SDHA: variants seen among roughly 807,000 people sequenced by gnomAD.
The protein encoded by SDHA is succinate dehydrogenase [ubiquinone] flavoprotein subunit, mitochondrial.
Under a neutral mutation model 78.4 loss-of-function variants are expected in SDHA, and 48 were observed. The ratio of observed to expected loss-of-function variants is 0.61; its 90% CI spans 0.49 to 0.78. SDHA has a LOEUF of 0.78. SDHA is among the 30% of genes least tolerant of loss of function. The pLI is 0.00. For missense variants in SDHA, 680 were observed against 892.7 expected (o/e 0.76, Z 3.04); for synonymous variants, 326 against 353.9 (o/e 0.92, Z 0.88).
chr5:222,602 A>G (rs1238803646), intron 1 of SDHA, among the ~76,000 whole-genome samples: 2 of 152,068 alleles, frequency 1.3e-5, no homozygotes, highest in African/African-American at 4.8e-5. Flanking sequence ...GGCCTCCCCA[A>G]ATGCTGGGAT....
rs564781001 is a variant in SDHA, at chr5:235,478, C to G, written c.1260+139C>G. The G allele has an allele frequency of 1.8e-3, 1,556 of 857,526 alleles. 3 individuals carry two copies. The highest frequency in any genetic ancestry group is 2.4e-3 in the Non-Finnish European group (1,245 of 516,244). 53.1% of individuals were successfully genotyped at this position (857,526 alleles called of 1,614,324 possible). ...GTACTGTATTGTTTTCTAGATTGCA[C>G]TTTAAATTTCTATTACCGGAGGATG... On this transcript the variant is annotated intron_variant, in intron 9 of 14. Transcript: ENST00000264932.
chr5:259,915 C>G (rs1737422930), downstream of SDHA, among the ~76,000 whole-genome samples: 3 of 36,084 alleles, frequency 8.3e-5, no homozygotes, highest in African/African-American at 2.1e-4. Flanking sequence ...AGCTCCGCCT[C>G]CCGTCAGAGC....
chr5:222,559 T>C (rs1460867480), intron 1 of SDHA, among the ~76,000 whole-genome samples: 1 of 152,050 alleles, frequency 6.6e-6, no homozygotes, highest in African/African-American at 2.4e-5. Flanking sequence ...AGACTGGTCT[T>C]GAACTCCTGA....
In SDHA at chr5:223,551, G is replaced by A. The variant is rs140736646; in HGVS notation, c.133G>A (p.Ala45Thr). ...TGTTGATGGGAACAAGAGGGCATCT[G>A]CTAAAGTTTCAGATTCCGTAAGTTC... ...FTVDGNKRASAKVSDSISAQY... is the reference protein window; with the variant it reads ...FTVDGNKRASTKVSDSISAQY... The change falls in exon 2 of 15, where the codon GCT becomes ACT. Residue 45 changes from alanine (A) to threonine (T), a missense_variant. Transcript: ENST00000264932. 600 of 1,613,408 alleles carry A rather than the reference G, an allele frequency of 3.7e-4. 1 individual carries two copies. The highest frequency in any genetic ancestry group is 1.4e-3 in the Admixed American group (83 of 60,014).
At chr5:251,540 C>T (rs779138826) in intron 13 of SDHA, 72 bp downstream of exon 13, 2 of 1,609,788 alleles carry the variant, frequency 1.2e-6, no homozygotes, top group South Asian at 2.2e-5. Flanking sequence ...CCCACCCCTG[C>T]ATTTTCTCTG....
chr5:232,988 G>C (rs1255126943), intron 7 of SDHA, among the ~76,000 whole-genome samples: 1 of 152,164 alleles, frequency 6.6e-6, no homozygotes, highest in East Asian at 1.9e-4. Flanking sequence ...AGACTTAAAC[G>C]AGTTAATATG....
intron 8 of SDHA, 46 bp downstream of exon 8, chr5:233,691 C>T (rs373781887): frequency 1.4e-5 from 22 of 1,603,722 alleles, no homozygotes; most frequent in Middle Eastern, 1.7e-4. Context: ...GCACACGGGC[C>T]GGGGTTGCTT....
chr5:218,804 C>T (rs1734538089), intron 1 of SDHA, among the ~76,000 whole-genome samples: 1 of 152,182 alleles, frequency 6.6e-6, no homozygotes, highest in Non-Finnish European at 1.5e-5. Context: ...GGGCGGATAG[C>T]GGCCGGTGGC....
At position 237,895 on chromosome 5, in the gene SDHA, T is replaced by C. The variant is rs1196921883; in HGVS notation, c.1432+1296T>C. On this transcript the variant is annotated intron_variant, in intron 10 of 14. Coordinates refer to ENST00000264932, the MANE Select transcript of SDHA (RefSeq NM_004168.4). ...AGAGCTGGCGTCTCATCCCCAGCCA[T>C]TGGTGATCATCGGCGAAGGCGGAGT... Among the ~76,000 whole-genome samples, 5 of 135,964 alleles carry C rather than the reference T, an allele frequency of 3.7e-5. 2 individuals carry two copies. Among genetic ancestry groups the C allele is most frequent in the African/African-American group, 1.8e-4 (5 of 28,570 alleles). 89.2% of individuals were successfully genotyped at this position (135,964 alleles called of 152,430 possible).
intron 5 of SDHA, chr5:227,507 T>C (rs1276003799): frequency 6.4e-6 from 1 of 157,428 alleles, no homozygotes; most frequent in African/African-American, 2.4e-5. Flanking sequence ...AGAACACCAG[T>C]GACTTCTCTG....
chr5:219,396 C>T (rs998036631), intron 1 of SDHA, among the ~76,000 whole-genome samples: 7 of 152,220 alleles, frequency 4.6e-5, no homozygotes, highest in African/African-American at 1.7e-4. Flanking sequence ...AACTTACCCA[C>T]CCACCTCCTT....
chr5:256,294 C>T lies in SDHA; in HGVS notation c.1909-40C>T, dbSNP rs186622870. The T allele has an allele frequency of 1.4e-4, 210 of 1,470,600 alleles. No homozygotes were observed. The African/African-American group carries it at 2.6e-3, about 18-fold the overall frequency. The allele number at this position is 1,470,600 out of a possible 1,614,324, so 91.1% of individuals were successfully genotyped here. ...GGAACACAAGAGATGGCTTTTTGTA[C>T]ATTTTTGTGCTTAACTTACCACTGA... is the stretch of plus-strand genomic sequence containing the variant. On this transcript the variant is annotated intron_variant, in intron 14 of 14. Coordinates refer to ENST00000264932, the MANE Select transcript of SDHA (RefSeq NM_004168.4).
In SDHA at chr5:254,522, G is replaced by T. The variant is rs1190038643; in HGVS notation, c.1908+16G>T. ...CACTGGGAAGGTCAGTGTGGAGCTC[G>T]TTCTCACCACAGCCCAGCACCCACA... On this transcript the variant is annotated intron_variant, in intron 14 of 14. Coordinates refer to ENST00000264932, the MANE Select transcript of SDHA (RefSeq NM_004168.4). The T allele has an allele frequency of 6.5e-7, 1 of 1,540,050 alleles. No homozygotes were observed. The highest frequency in any genetic ancestry group is 8.8e-7 in the Non-Finnish European group (1 of 1,140,790).
At chr5:246,820 A>G (rs1280630748) in intron 11 of SDHA, among the ~76,000 whole-genome samples, 1 of 152,258 alleles carries the variant, frequency 6.6e-6, no homozygotes, top group Non-Finnish European at 1.5e-5. Context: ...TCAAATTGCT[A>G]CTATGATAGG....
At chr5:262,608 C>T in the SDHA span, among the ~76,000 whole-genome samples, 2 of 152,290 alleles carry the variant, frequency 1.3e-5, no homozygotes, top group Admixed American at 1.3e-4. Flanking sequence ...CACACTTGTC[C>T]GTGGAAAAAG....
At chr5:259,761 C>A (rs370055696), downstream of SDHA, among the ~76,000 whole-genome samples, 12 of 21,798 alleles carry the variant, frequency 5.5e-4, no homozygotes, top group Admixed American at 1.1e-3. Flanking sequence ...GCCTCCCGTC[C>A]GAGCATTACC....
downstream of SDHA, among the ~76,000 whole-genome samples, chr5:258,244 C>T (rs1190038938): frequency 8.2e-6 from 1 of 122,174 alleles, no homozygotes; most frequent in East Asian, 2.2e-4. Context: ...CCTGTCAGAG[C>T]ATTACTGTGA....
chr5:227,784 C>T (rs112314434), intron 5 of SDHA: 52,246 of 283,354 alleles, frequency 0.18, 8,304 homozygotes, highest in African/African-American at 0.52. Flanking sequence ...AATGTTTTGA[C>T]TTATTTTAAT....
chr5:224,315 G>A (rs1333467156), intron 2 of SDHA, 45 bp from the exon 3 acceptor site: 4 of 1,589,468 alleles, frequency 2.5e-6, no homozygotes, highest in Non-Finnish European at 3.5e-6. Flanking sequence ...CTTCATGTTT[G>A]GCATAGTGGA....
Sources: allele counts gnomAD v4.1 joint callset (sites outside exome capture counted in the v4.1 genomes callset), GRCh38; gene constraint gnomAD v4.1.1; transcripts MANE v1.5; gene names NCBI Gene and HGNC (gene_info 2026-07-23, HGNC 2026-07-21).